Variants in CXCL13 observed in about 807,000 individuals in gnomAD.
The protein encoded by CXCL13 is C-X-C motif chemokine ligand 13.
A neutral mutation model predicts 12.2 loss-of-function variants in CXCL13; 7 were observed. The observed-to-expected ratio is 0.57, with a 90% CI of 0.33 to 1.07. CXCL13 has a LOEUF of 1.07. Among genes scored for constraint, CXCL13 ranks in the 50% least tolerant of loss-of-function variants. The pLI, the probability that CXCL13 is intolerant of heterozygous loss-of-function variation, is 0.04. For synonymous variants in CXCL13, 47 were observed against 42.4 expected (o/e 1.11, Z -0.42); for missense variants, 113 against 127.4 (o/e 0.89, Z 0.55).
chr4:77,578,364 G>A (rs1338379341), intron 1 of CXCL13, among the ~76,000 whole-genome samples: 1 of 152,082 alleles, frequency 6.6e-6, no homozygotes, highest in Non-Finnish European at 1.5e-5. Context: ...CCAAAACAGC[G>A]CCCCCTGTCA....
At chr4:77,607,607 G>A in intron 1 of CXCL13, 96 bp from the exon 2 acceptor site, 1 of 1,211,258 alleles carries the variant, frequency 8.3e-7, no homozygotes, top group South Asian at 1.6e-5. Context: ...AAACTTTTAA[G>A]TCTTCAAATG....
intron 1 of CXCL13, among the ~76,000 whole-genome samples, chr4:77,534,859 T>C (rs555028877): frequency 1.3e-5 from 2 of 152,346 alleles, no homozygotes; most frequent in Admixed American, 1.3e-4. Context: ...GCTATACACA[T>C]TTGTGGAACC....
At chr4:77,535,044 G>A (rs534644656) in intron 1 of CXCL13, among the ~76,000 whole-genome samples, 14 of 152,272 alleles carry the variant, frequency 9.2e-5, no homozygotes, top group African/African-American at 3.1e-4. Context: ...CACCAAGCAT[G>A]GCTTTTTCAT....
chr4:77,602,841 A>C (rs950861998), upstream of CXCL13, among the ~76,000 whole-genome samples: 6 of 152,150 alleles, frequency 3.9e-5, no homozygotes, highest in African/African-American at 1.4e-4. Context: ...AGTTTTTGAA[A>C]TTTATACCTC....
At chr4:77,595,682 G>A (rs1337386193) in intron 1 of CXCL13, among the ~76,000 whole-genome samples, 1 of 152,140 alleles carries the variant, frequency 6.6e-6, no homozygotes, top group Non-Finnish European at 1.5e-5. Context: ...CCCCCAAAGA[G>A]CACCCTAATA....
intron 1 of CXCL13, among the ~76,000 whole-genome samples, chr4:77,514,933 G>A (rs1578030319): frequency 1.3e-5 from 2 of 152,098 alleles, no homozygotes; most frequent in Admixed American, 1.3e-4. Context: ...GATTTTTATG[G>A]TTTTAGGTCT....
At position 77,531,896 on chromosome 4, in the gene CXCL13, T is replaced by C. The variant is rs961558542; in HGVS notation, c.-43+20108T>C. ...CTGCCTTTTTTGTTTTCCATTTGCT[T>C]GGTAGATCTTCCTCCATCCCTTTAT... On this transcript the variant is annotated intron_variant, in intron 1 of 4. Coordinates refer to the CXCL13 transcript ENST00000286758. 5.3e-5 allele frequency among the ~76,000 whole-genome samples: 8 copies of C among 152,336 alleles called. No homozygotes were observed. In the East Asian group the frequency reaches 1.5e-3, roughly 29 times the overall value.
intron 1 of CXCL13, among the ~76,000 whole-genome samples, chr4:77,529,742 C>G (rs1560516346): frequency 6.6e-6 from 1 of 152,160 alleles, no homozygotes; most frequent in Non-Finnish European, 1.5e-5. Flanking sequence ...GTGACTTCCT[C>G]TTTTCCTAAT....
At chr4:77,533,902 G>A (rs111645971) in intron 1 of CXCL13, among the ~76,000 whole-genome samples, 8 of 152,238 alleles carry the variant, frequency 5.3e-5, no homozygotes, top group Admixed American at 5.2e-4. Flanking sequence ...ATTAGGGTGA[G>A]AGTGACCCAA....
chr4:77,528,035 T>A (rs1724810601), intron 1 of CXCL13, among the ~76,000 whole-genome samples: 1 of 152,062 alleles, frequency 6.6e-6, no homozygotes, highest in Non-Finnish European at 1.5e-5. Context: ...CGGTGTTTGG[T>A]TTTTTGTCCT....
At chr4:77,516,682 T>C (rs1445630565) in intron 1 of CXCL13, among the ~76,000 whole-genome samples, 1 of 152,156 alleles carries the variant, frequency 6.6e-6, no homozygotes, top group African/African-American at 2.4e-5. Context: ...ATTGTGTCTA[T>C]TTGATTCTTC....
At chr4:77,587,441 C>A (rs557837643) in intron 1 of CXCL13, among the ~76,000 whole-genome samples, 3 of 152,048 alleles carry the variant, frequency 2.0e-5, no homozygotes, top group South Asian at 2.1e-4. Context: ...TAAGGAGACA[C>A]GTGCAAAAAT....
chr4:77,601,417 A>G (rs1459849952), upstream of CXCL13, among the ~76,000 whole-genome samples: 4 of 152,218 alleles, frequency 2.6e-5, no homozygotes, highest in African/African-American at 9.6e-5. Context: ...AAAGAAAATG[A>G]TGAAAAAAAA....
At chr4:77,608,931 T>C (rs1727079854) in intron 2 of CXCL13, among the ~76,000 whole-genome samples, 2 of 152,236 alleles carry the variant, frequency 1.3e-5, no homozygotes, top group African/African-American at 4.8e-5. Context: ...GTAATGCACC[T>C]TAATTTTCTC....
At chr4:77,562,498 T>C (rs1725838777) in intron 1 of CXCL13, among the ~76,000 whole-genome samples, 1 of 151,918 alleles carries the variant, frequency 6.6e-6, no homozygotes, top group Non-Finnish European at 1.5e-5. Context: ...GGTTTGTGAA[T>C]GCACCAATCA....
chr4:77,527,760 G>A (rs1247583961), intron 1 of CXCL13, among the ~76,000 whole-genome samples: 1 of 151,898 alleles, frequency 6.6e-6, no homozygotes, highest in Non-Finnish European at 1.5e-5. Flanking sequence ...CAACAGTTTG[G>A]CAGTTTCTTT....
intron 1 of CXCL13, among the ~76,000 whole-genome samples, chr4:77,572,365 C>T (rs1726106295): frequency 6.6e-6 from 1 of 151,816 alleles, no homozygotes; most frequent in Non-Finnish European, 1.5e-5. Flanking sequence ...TTTGCCACTG[C>T]ACTCCAGCCT....
chr4:77,568,408 C>G (rs964888558), intron 1 of CXCL13, among the ~76,000 whole-genome samples: 1 of 152,190 alleles, frequency 6.6e-6, no homozygotes, highest in Non-Finnish European at 1.5e-5. Context: ...TCTCTCCAAC[C>G]GTTTCTCTTT....
intron 1 of CXCL13, among the ~76,000 whole-genome samples, chr4:77,519,095 T>G (rs1724505806): frequency 6.6e-6 from 1 of 152,234 alleles, no homozygotes; most frequent in Non-Finnish European, 1.5e-5. Context: ...CAGCGGTGTC[T>G]GCAGAGCAGT....
Sources: gnomAD v4.1 joint callset for allele counts (sites outside exome capture counted in the v4.1 genomes callset) on GRCh38, gnomAD v4.1.1 for gene constraint, MANE v1.5 for transcripts, NCBI Gene and HGNC (gene_info 2026-07-23, HGNC 2026-07-21) for gene names.